IDH2: variants seen among roughly 807,000 people sequenced by gnomAD.
The protein encoded by IDH2 is isocitrate dehydrogenase (NADP(+)) 2, also known as isocitrate dehydrogenase [NADP], mitochondrial.
IDH2 carries 18 observed loss-of-function variants against 50.5 expected under a neutral mutation model. The observed-to-expected ratio is 0.36, with a 90% CI of 0.25 to 0.53. The LOEUF (loss-of-function observed/expected upper bound fraction) is 0.53. Among genes scored for constraint, IDH2 ranks in the 20% least tolerant of loss-of-function variants. IDH2 has a pLI of 0.92. For synonymous variants in IDH2, 280 were observed against 239.8 expected, an observed-to-expected ratio of 1.17 and a Z score of -1.55; for missense variants, 518 against 610.7, an observed-to-expected ratio of 0.85 and a Z score of 1.60.
chr15:90,096,921 A>G (rs900398440), intron 1 of IDH2, among the ~76,000 whole-genome samples: 1 of 152,170 alleles, frequency 6.6e-6, no homozygotes, highest in Non-Finnish European at 1.5e-5. Flanking sequence ...GTCTCGAAAA[A>G]AAAAAAGAAA....
At chr15:90,102,165 G>A (rs945512759) in intron 1 of IDH2, 111 bp downstream of exon 1, 9 of 396,262 alleles carry the variant, frequency 2.3e-5, no homozygotes, top group African/African-American at 1.3e-4. Flanking sequence ...GCCTGACCCC[G>A]CCGTCCCCGG....
chr15:90,092,704 G>A (rs1163630646), intron 1 of IDH2, among the ~76,000 whole-genome samples: 2 of 152,074 alleles, frequency 1.3e-5, no homozygotes, highest in Admixed American at 6.6e-5. Flanking sequence ...AGCCTCCCAA[G>A]TAGCGGGGAT....
At position 90,089,272 on chromosome 15, in the gene IDH2, A is replaced by T. The variant is rs183115157; in HGVS notation, c.374-525T>A. ...GTGGCTCAACCAAAGCTGTAAAAAA[A>T]AATTACTGGAAAAATAACCAGCCTA... On this transcript the variant is annotated intron_variant, in intron 3 of 10. Transcript: ENST00000330062. Among the ~76,000 whole-genome samples the T allele has an allele frequency of 5.1e-4, 78 of 152,332 alleles. No homozygotes were observed. In the Middle Eastern group the frequency reaches 0.01, roughly 20 times the overall value.
Position 90,084,711 on chromosome 15 carries a change from A to G in IDH2, c.1271+105T>C. Reference sequence around the variant, plus strand: ...CAGGGCTGTGGACATGTCCTGCCCCAGGCCCCCTTGCAGCTAAGCTGACTC... The same window carrying G: ...CAGGGCTGTGGACATGTCCTGCCCCGGGCCCCCTTGCAGCTAAGCTGACTC... On this transcript the variant is annotated intron_variant, in intron 10 of 10. Transcript: ENST00000330062. This position sits in a 1 kb window ranked among gnomAD's most constrained non-coding sequence, Gnocchi z 5.0. 1.1e-6 allele frequency: 1 copy of G among 935,950 alleles called. No homozygotes were observed. The highest frequency in any genetic ancestry group is 1.7e-6 in the Non-Finnish European group (1 of 575,346). The allele number at this position is 935,950 out of a possible 1,614,324, so 58.0% of individuals were successfully genotyped here. A position where few individuals can be genotyped will look rare whatever the true frequency, so the allele number is the denominator to read the frequency against.
In IDH2 at chr15:90,085,012, T is replaced by C. The variant is rs749134763; in HGVS notation, c.1167A>G (p.Gln389=). The C allele has an allele frequency of 1.5e-5, 25 of 1,613,834 alleles. No individual in the cohort carries two copies. The highest frequency in any genetic ancestry group is 1.7e-5 in the Non-Finnish European group (20 of 1,179,976). The change falls in exon 9 of 11, where the codon CAA becomes CAG. Residue 389 remains glutamine, a synonymous_variant. Transcript: ENST00000330062. The surrounding 1 kb of genome is among the most constrained non-coding windows in gnomAD (Gnocchi z 5.5). The part of the protein sequence containing the change: ...LEHRGKLDGN[Q]DLIRFAQMLE... ...CCCTCCATGCTCACCTGATGAGGTC[T>C]TGGTTCCCATCCAGCTTCCCCCGGT...
At position 90,085,421 on chromosome 15, in the gene IDH2, G is replaced by A. The variant is rs757012102; in HGVS notation, c.968-34C>T. 9 of 1,446,158 alleles carry A rather than the reference G, an allele frequency of 6.2e-6. No homozygotes were observed. Among genetic ancestry groups the A allele is most frequent in the Admixed American group, 3.9e-5 (2 of 50,848 alleles). 89.6% of individuals were successfully genotyped at this position (1,446,158 alleles called of 1,614,324 possible). On this transcript the variant is annotated intron_variant, in intron 7 of 10. Coordinates refer to ENST00000330062, the MANE Select transcript of IDH2 (RefSeq NM_002168.4). This position sits in a 1 kb window ranked among gnomAD's most constrained non-coding sequence, Gnocchi z 5.5. ...TAGAAAGCCTTTCTCTCAGGGCCTC[G>A]CCTCTCCTGGGGCCACCCAGCTGAG...
chr15:90,088,683 A>T lies in IDH2; in HGVS notation c.438T>A (p.Thr146=), dbSNP rs1284288896. ...NGTIRNILGG[T]VFREPIICKN... ...TGCAGATGATGGGCTCCCGGAAGACAGTCCCCCCCAGGATGTTCCGGATAG... is the reference window on the plus strand; with the variant it reads ...TGCAGATGATGGGCTCCCGGAAGACTGTCCCCCCCAGGATGTTCCGGATAG... The change falls in exon 4 of 11, where the codon ACT becomes ACA. Residue 146 remains threonine (T), a synonymous_variant. Transcript: ENST00000330062. 1 of 1,614,114 alleles carries T rather than the reference A, an allele frequency of 6.2e-7. No homozygotes were observed. The highest frequency in any genetic ancestry group is 1.1e-5 in the South Asian group (1 of 91,084).
chr15:90,084,993 A>T lies in IDH2; in HGVS notation c.1178+8T>A. On this transcript the variant is annotated splice_region_variant and intron_variant, in intron 9 of 10. Transcript: ENST00000330062. The surrounding 1 kb of genome is among the most constrained non-coding windows in gnomAD (Gnocchi z 5.0). ...CTGGGCAGCTCCGGCCTCTCCCTCCATGCTCACCTGATGAGGTCTTGGTTC... is the reference window on the plus strand; with the variant it reads ...CTGGGCAGCTCCGGCCTCTCCCTCCTTGCTCACCTGATGAGGTCTTGGTTC... The T allele has an allele frequency of 6.2e-7, 1 of 1,613,512 alleles. No homozygotes were observed. Among genetic ancestry groups the T allele is most frequent in the South Asian group, 1.1e-5 (1 of 91,078 alleles).
In IDH2 at chr15:90,088,672, T is replaced by G. The variant is rs1372263469; in HGVS notation, c.449A>C (p.Glu150Ala). Residue 150 changes from glutamate (E) to alanine (A), a missense_variant, in exon 4 of 11, where the codon GAG (glutamate) becomes GCG (alanine). Around this residue, in one of 5 missense-constraint regions of IDH2, gnomAD observed 207 missense variants for 208.6 expected, o/e 0.99. Coordinates refer to ENST00000330062, the MANE Select transcript of IDH2 (RefSeq NM_002168.4). ...TGGGATGTTTTTGCAGATGATGGGC[T>G]CCCGGAAGACAGTCCCCCCCAGGAT... ...RNILGGTVFR[E>A]PIICKNIPRL... 1 of 1,614,098 alleles carries G rather than the reference T, an allele frequency of 6.2e-7. No individual in the cohort carries two copies. The highest frequency in any genetic ancestry group is 1.1e-5 in the South Asian group (1 of 91,082).
chr15:90,094,838 G>A (rs1466932242), intron 1 of IDH2, among the ~76,000 whole-genome samples: 1 of 152,114 alleles, frequency 6.6e-6, no homozygotes, highest in Non-Finnish European at 1.5e-5. Flanking sequence ...GGAGGTGGAG[G>A]TTGCAGTAAG....
intron 2 of IDH2, among the ~76,000 whole-genome samples, chr15:90,091,115 G>A (rs10520685): frequency 0.36 from 54,040 of 152,078 alleles, 10,815 homozygotes; most frequent in Non-Finnish European, 0.47. Flanking sequence ...CATAGACCAC[G>A]GCAACTTTGG....
intron 1 of IDH2, among the ~76,000 whole-genome samples, chr15:90,095,746 G>T (rs561114192): frequency 4.6e-5 from 7 of 152,164 alleles, no homozygotes; most frequent in Admixed American, 3.9e-4. Context: ...GTGCCTGCCC[G>T]GAGGCAGTGA....
chr15:90,099,293 T>A (rs1432544008), intron 1 of IDH2, among the ~76,000 whole-genome samples: 1 of 152,120 alleles, frequency 6.6e-6, no homozygotes, highest in Non-Finnish European at 1.5e-5. Context: ...CTTCGCACCA[T>A]CCTCTCTGCT....
rs1431962582 is a variant in IDH2 at position 90,097,652 on chromosome 15, TGCCA to T, written c.115+4620_115+4623del. Among the ~76,000 whole-genome samples the T allele has an allele frequency of 5.4e-5, 8 of 147,098 alleles. No homozygotes were observed. In the Admixed American group the frequency reaches 5.5e-4, roughly 10 times the overall value. ...TAGAAACAGAAAGTAAAAAGGTGGCTGCCAGGGACTGGGGACGGGAAGTGGGGAG... is the reference window on the plus strand; with the variant it reads ...TAGAAACAGAAAGTAAAAAGGTGGCTGGGACTGGGGACGGGAAGTGGGGAG... On this transcript the variant is annotated intron_variant, in intron 1 of 10. Coordinates refer to ENST00000330062, the MANE Select transcript of IDH2 (RefSeq NM_002168.4).
chr15:90,084,260 C>T lies in IDH2; in HGVS notation c.*6G>A, dbSNP rs1900796976. 6.2e-7 allele frequency: 1 copy of T among 1,613,306 alleles called. No homozygotes were observed. Among genetic ancestry groups the T allele is most frequent in the Admixed American group, 1.7e-5 (1 of 59,972 alleles). ...CCTCCACTGCAGCCATGGGTGGCGC[C>T]TCCCCCTACTGCCTGCCCAGGGCTC... On this transcript the variant is annotated 3_prime_UTR_variant, in exon 11 of 11. Transcript: ENST00000330062. The surrounding 1 kb of genome is among the most constrained non-coding windows in gnomAD (Gnocchi z 5.0).
At chr15:90,090,099 C>G (rs1374564358) in intron 3 of IDH2, among the ~76,000 whole-genome samples, 1 of 152,200 alleles carries the variant, frequency 6.6e-6, no homozygotes, top group East Asian at 1.9e-4. Context: ...TCCTCCTCCT[C>G]CTCCTCAGCC....
chr15:90,087,319 TC>T, intron 6 of IDH2, 56 bp from the exon 7 acceptor site: 1 of 1,612,016 alleles, frequency 6.2e-7, no homozygotes, highest in Non-Finnish European at 8.5e-7. Flanking sequence ...AGGTTGGGGA[TC>T]CCTCCCTGAG....
At chr15:90,095,471 T>C (rs113835274) in intron 1 of IDH2, among the ~76,000 whole-genome samples, 1,360 of 89,794 alleles carry the variant, frequency 0.015, 22 homozygotes, top group African/African-American at 0.043. Flanking sequence ...ATCAAATTTG[T>C]TAAAAAAAAA....
rs1900781899 is a variant in IDH2 at position 90,083,749 on chromosome 15, C to T, written c.*517G>A. 1.0e-5 allele frequency: 2 copies of T among 198,314 alleles called. No homozygotes were observed. The highest frequency in any genetic ancestry group is 4.7e-5 in the African/African-American group (2 of 42,968). The allele number at this position is 198,314 out of a possible 1,614,324, so 12.3% of individuals were successfully genotyped here. On this transcript the variant is annotated 3_prime_UTR_variant, in exon 11 of 11. Transcript: ENST00000330062. ...GGAGAACTGGACACAGAAACTGGAT[C>T]ATGCTAGAAAATTCCAGGGAACCCA...
Sources: gnomAD v4.1 joint callset for allele counts (sites outside exome capture counted in the v4.1 genomes callset) on GRCh38, gnomAD v4.1.1 for gene constraint, gnomAD v4.1.1 regional missense constraint, Gnocchi (gnomAD v3.1) non-coding constraint, MANE v1.5 for transcripts, NCBI Gene and HGNC (gene_info 2026-07-23, HGNC 2026-07-21) for gene names.